The following NUP214 variants were observed in gnomAD, a reference collection of about 807,000 sequenced individuals.
The protein encoded by NUP214 is nucleoporin 214.
NUP214 carries 79 observed loss-of-function variants against 196.2 expected under a neutral mutation model. The observed-to-expected ratio is 0.40, with a 90% CI of 0.34 to 0.49. The LOEUF (loss-of-function observed/expected upper bound fraction) is 0.49. Ranked by LOEUF, NUP214 falls within the 20% of genes least tolerant of loss-of-function variation. The pLI, the probability that NUP214 is intolerant of heterozygous loss-of-function variation, is 0.58. For synonymous variants in NUP214, 1,020 were observed against 990.5 expected, an observed-to-expected ratio of 1.03 and a Z score of -0.56; for missense variants, 2,468 against 2,539.0, an observed-to-expected ratio of 0.97 and a Z score of 0.60.
chr9:131,233,692 C>CT lies in NUP214; in HGVS notation c.*206dup, dbSNP rs1834940591. 7.7e-6 allele frequency: 5 copies of CT among 647,782 alleles called. No homozygotes were observed. The East Asian group carries it at 1.2e-4, about 15-fold the overall frequency. 40.1% of individuals were successfully genotyped at this position (647,782 alleles called of 1,614,324 possible). Reference sequence around the variant, plus strand: ...GTTTTCCCTCCCACTATTAAACAGTCTGTTTCCGTACAGAACGTATGTGGG... The same window carrying CT: ...GTTTTCCCTCCCACTATTAAACAGTCTTGTTTCCGTACAGAACGTATGTGGG... On this transcript the variant is annotated 3_prime_UTR_variant, in exon 36 of 36. Transcript: ENST00000359428.
chr9:131,151,726 C>T lies in NUP214; in HGVS notation c.2278-10C>T. The stretch of plus-strand genomic sequence containing the variant: ...CTTTTTGTACCAACACATTATTGTA[C>T]TTTTTCTAGTCGCTTCATGGAGATA... On this transcript the variant is annotated splice_polypyrimidine_tract_variant and intron_variant, in intron 16 of 35. Transcript: ENST00000359428. The T allele has an allele frequency of 6.3e-7, 1 of 1,596,242 alleles. No individual in the cohort carries two copies. Among genetic ancestry groups the T allele is most frequent in the East Asian group, 2.2e-5 (1 of 44,622 alleles).
chr9:131,128,071 T>G (rs970551707), intron 2 of NUP214, among the ~76,000 whole-genome samples: 11 of 152,212 alleles, frequency 7.2e-5, no homozygotes, highest in Non-Finnish European at 1.6e-4. Context: ...GTGTACTATT[T>G]AGAGCATTGT....
chr9:131,231,013 T>G (rs1834861478), intron 34 of NUP214, among the ~76,000 whole-genome samples: 1 of 151,976 alleles, frequency 6.6e-6, no homozygotes, highest in Admixed American at 6.6e-5. Flanking sequence ...AATGTTAAAA[T>G]TCGCCAGACA....
chr9:131,221,408 C>A (rs79107680), intron 31 of NUP214, among the ~76,000 whole-genome samples: 144 of 152,270 alleles, frequency 9.5e-4, no homozygotes, highest in African/African-American at 3.2e-3. Context: ...GTGACTGGGT[C>A]CCAAAGTGAG....
intron 31 of NUP214, among the ~76,000 whole-genome samples, 188 bp downstream of exon 31, chr9:131,215,556 A>G (rs1025074925): frequency 6.9e-6 from 1 of 145,046 alleles, no homozygotes; most frequent in South Asian, 2.2e-4. Context: ...GAGATGTCCT[A>G]TATAATCATG....
chr9:131,126,412 A>G (rs1296619180), intron 1 of NUP214: 1 of 152,328 alleles, frequency 6.6e-6, no homozygotes, highest in African/African-American at 2.4e-5. Context: ...GTTCTGACAG[A>G]ATGAGGGTAC....
chr9:131,229,985 C>T (rs1834832986), intron 33 of NUP214: 1 of 338,588 alleles, frequency 3.0e-6, no homozygotes, highest in South Asian at 2.2e-5. Flanking sequence ...CAGCCGAGTT[C>T]CTCTGCAAAC....
chr9:131,203,499 G>A (rs1033972682), intron 30 of NUP214, among the ~76,000 whole-genome samples: 1 of 152,112 alleles, frequency 6.6e-6, no homozygotes, highest in Non-Finnish European at 1.5e-5. Context: ...GTATTAGTCC[G>A]GCAGTTAATA....
chr9:131,228,563 T>G, intron 33 of NUP214: 1 of 403,404 alleles, frequency 2.5e-6, no homozygotes, highest in Non-Finnish European at 4.4e-6. Context: ...TTCCCTGGTA[T>G]GAGAAATGCT....
At chr9:131,168,155 G>T (rs375535749) in intron 21 of NUP214, among the ~76,000 whole-genome samples, 1 of 152,184 alleles carries the variant, frequency 6.6e-6, no homozygotes, top group South Asian at 2.1e-4. Context: ...TTCCCAAAGC[G>T]CTGGGATTAC....
At chr9:131,231,034 C>T (rs144420961) in intron 34 of NUP214, among the ~76,000 whole-genome samples, 7 of 152,274 alleles carry the variant, frequency 4.6e-5, no homozygotes, top group African/African-American at 1.7e-4. Flanking sequence ...TGGTGGCACA[C>T]ACCTGTGGTC....
intron 21 of NUP214, 49 bp from the exon 22 acceptor site, chr9:131,174,006 G>C: frequency 1.9e-6 from 3 of 1,578,706 alleles, no homozygotes; most frequent in South Asian, 2.4e-5. Context: ...CTTAGCTTTT[G>C]GGCTTGCTTT....
chr9:131,228,136 T>C, intron 32 of NUP214, 24 bp from the exon 33 acceptor site: 1 of 1,533,522 alleles, frequency 6.5e-7, no homozygotes, highest in Non-Finnish European at 8.7e-7. Context: ...CCTATTTCTG[T>C]TTGTTTGCCT....
intron 32 of NUP214, among the ~76,000 whole-genome samples, chr9:131,223,723 A>ATTTATTTATTTTTTTTTT (rs1554742606): frequency 5.3e-5 from 1 of 18,980 alleles, no homozygotes; most frequent in African/African-American, 1.3e-4. Context: ...TTATTTATTT[A>ATTTATTTATTTTTTTTTT]TTTATTTTTT....
rs757856001 is a variant in NUP214, at chr9:131,130,137, G to GTTTTTTTTTTTTT, written c.593-628_593-616dup. 3.4e-3 allele frequency among the ~76,000 whole-genome samples: 258 copies of GTTTTTTTTTTTTT among 76,906 alleles called. 72 individuals are homozygous for GTTTTTTTTTTTTT. The highest frequency in any genetic ancestry group is 7.3e-3 in the East Asian group (16 of 2,182). The allele number at this position is 76,906 out of a possible 152,430, so 50.5% of individuals were successfully genotyped here. ...GAGCAGGAGAATGATTTCTGGTTTT[G>GTTTTTTTTTTTTT]TTTTTTTTTTTTTGTTTTTTTTTTG... On this transcript the variant is annotated intron_variant, in intron 4 of 35. Transcript: ENST00000359428.
intron 30 of NUP214, among the ~76,000 whole-genome samples, chr9:131,213,426 C>T (rs1332206315): frequency 2.0e-5 from 3 of 152,238 alleles, no homozygotes; most frequent in South Asian, 2.1e-4. Context: ...CCACCTGCCT[C>T]GGCCTCCCAA....
chr9:131,218,849 C>A (rs974826714), intron 31 of NUP214, among the ~76,000 whole-genome samples: 1 of 152,126 alleles, frequency 6.6e-6, no homozygotes, highest in African/African-American at 2.4e-5. Flanking sequence ...GTACTCAGTT[C>A]CCCAGCACAT....
intron 26 of NUP214, 136 bp downstream of exon 26, chr9:131,189,267 T>C: frequency 1.4e-6 from 1 of 710,902 alleles, no homozygotes. Context: ...CAGGGTAGTA[T>C]GACCATAGAC....
At chr9:131,147,902 C>T (rs1247355962) in intron 14 of NUP214, among the ~76,000 whole-genome samples, 2 of 152,206 alleles carry the variant, frequency 1.3e-5, no homozygotes, top group Non-Finnish European at 2.9e-5. Flanking sequence ...TTTACGAGAA[C>T]CTGGCTGGGC....
Sources: gnomAD v4.1 joint callset for allele counts (sites outside exome capture counted in the v4.1 genomes callset) on GRCh38, gnomAD v4.1.1 for gene constraint, MANE v1.5 for transcripts, NCBI Gene and HGNC (gene_info 2026-07-23, HGNC 2026-07-21) for gene names.